The following ANKFN1 variants were observed in gnomAD, a reference collection of about 807,000 sequenced individuals.
The protein encoded by ANKFN1 is ankyrin repeat and fibronectin type III domain containing 1.
In ANKFN1, 74 loss-of-function variants were observed where a neutral mutation model predicts 108.7. The ratio of observed to expected loss-of-function variants is 0.68; its 90% confidence interval spans 0.56 to 0.83. The LOEUF (loss-of-function observed/expected upper bound fraction) is 0.83, where lower values mean the gene tolerates loss of function less well. Ranked by LOEUF, ANKFN1 falls within the 40% of genes least tolerant of loss-of-function variation. The pLI is 0.00. For synonymous variants in ANKFN1, 547 were observed against 516.2 expected (o/e 1.06, Z -0.81); for missense variants, 1,505 against 1,382.3 (o/e 1.09, Z -1.41).
intron 3 of ANKFN1, among the ~76,000 whole-genome samples, chr17:56,301,629 T>G (rs531621144): frequency 4.9e-4 from 75 of 152,336 alleles, no homozygotes; most frequent in African/African-American, 1.7e-3. Context: ...CCCATTTAGC[T>G]GGATTTACTG....
intron 4 of ANKFN1, among the ~76,000 whole-genome samples, chr17:56,052,631 A>G (rs1292346069): frequency 6.6e-6 from 1 of 152,192 alleles, no homozygotes; most frequent in Non-Finnish European, 1.5e-5. Flanking sequence ...CACTGCATGC[A>G]TTCCCATCTC....
At position 56,203,048 on chromosome 17, in the gene ANKFN1, T is replaced by C. The variant is rs8078522; in HGVS notation, c.-70-9550T>C. Among the ~76,000 whole-genome samples, 1,232 of 152,288 alleles carry C rather than the reference T, an allele frequency of 8.1e-3. 16 individuals are homozygous for C. The highest frequency in any genetic ancestry group is 0.027 in the African/African-American group (1,137 of 41,564). ...ACTTTCTGTAACTGCTCTGCTTTTA[T>C]TATGAAGGAAAATAAATAAAAGATA... On this transcript the variant is annotated intron_variant, in intron 1 of 20. Coordinates refer to ENST00000682825, the MANE Select transcript of ANKFN1 (RefSeq NM_001370326.1).
chr17:56,147,975 T>C (rs929945340), intron 4 of ANKFN1, among the ~76,000 whole-genome samples: 2 of 152,190 alleles, frequency 1.3e-5, no homozygotes, highest in Non-Finnish European at 2.9e-5. Context: ...TCATTGAATC[T>C]TCATAAGTGC....
At chr17:56,406,216 A>G (rs771584096) in intron 8 of ANKFN1, among the ~76,000 whole-genome samples, 4 of 152,214 alleles carry the variant, frequency 2.6e-5, no homozygotes, top group Non-Finnish European at 4.4e-5. Flanking sequence ...ATACGCAGGA[A>G]TAGAAAATAT....
intron 2 of ANKFN1, among the ~76,000 whole-genome samples, chr17:56,221,699 A>G (rs903595160): frequency 3.3e-5 from 5 of 152,236 alleles, no homozygotes; most frequent in African/African-American, 4.8e-5. Context: ...TGACAAAGCG[A>G]TTTCGAACAC....
In ANKFN1 at chr17:56,514,544, T is replaced by C. The variant is rs1258658089; in HGVS notation, c.*3275T>C. Among the ~76,000 whole-genome samples, 1 of 152,200 alleles carries C rather than the reference T, an allele frequency of 6.6e-6. No individual in the cohort carries two copies. Among genetic ancestry groups the C allele is most frequent in the Non-Finnish European group, 1.5e-5 (1 of 68,038 alleles). On this transcript the variant is annotated 3_prime_UTR_variant, in exon 21 of 21. Transcript: ENST00000682825. ...TAACAAAGCTAAAACATCCTCTTAA[T>C]TGGCGAGGGTGCCTGGGAGACAGTA...
intron 1 of ANKFN1, among the ~76,000 whole-genome samples, chr17:56,156,967 C>A (rs895260084): frequency 1.3e-4 from 19 of 148,748 alleles, no homozygotes; most frequent in Admixed American, 1.3e-3. Context: ...GCCAGCCCCC[C>A]ATCTACACCA....
intron 8 of ANKFN1, among the ~76,000 whole-genome samples, chr17:56,432,928 TCTAG>T (rs2048807145): frequency 6.6e-6 from 1 of 152,142 alleles, no homozygotes; most frequent in Admixed American, 6.6e-5. Context: ...TGAGCAATCA[TCTAG>T]CATTTATACA....
intron 4 of ANKFN1, among the ~76,000 whole-genome samples, chr17:56,102,276 A>G (rs1905662377): frequency 6.6e-6 from 1 of 152,170 alleles, no homozygotes; most frequent in Non-Finnish European, 1.5e-5. Flanking sequence ...GGGGCAAACA[A>G]TGCCTCTTTT....
chr17:56,073,769 G>A (rs1219628914), intron 4 of ANKFN1, among the ~76,000 whole-genome samples: 5 of 152,160 alleles, frequency 3.3e-5, no homozygotes, highest in African/African-American at 7.2e-5. Flanking sequence ...CATACAATAT[G>A]TATTTGTGTC....
At chr17:56,383,148 T>C (rs1032425036) in intron 8 of ANKFN1, among the ~76,000 whole-genome samples, 2 of 152,018 alleles carry the variant, frequency 1.3e-5, no homozygotes, top group African/African-American at 4.8e-5. Flanking sequence ...CACAGTGCAA[T>C]CAAACTAGAA....
At chr17:56,072,083 T>A (rs1018882041) in intron 4 of ANKFN1, among the ~76,000 whole-genome samples, 8 of 152,244 alleles carry the variant, frequency 5.3e-5, no homozygotes. Flanking sequence ...AAAGCATCCA[T>A]GTCAGTAAGA....
chr17:56,110,508 G>A (rs187639141), intron 4 of ANKFN1, among the ~76,000 whole-genome samples: 3 of 152,276 alleles, frequency 2.0e-5, no homozygotes, highest in Non-Finnish European at 4.4e-5. Flanking sequence ...AATCAGTCAT[G>A]ACTTTTTCTC....
intron 8 of ANKFN1, among the ~76,000 whole-genome samples, chr17:56,407,567 GCTTA>G (rs2047958500): frequency 1.3e-5 from 2 of 152,116 alleles, no homozygotes; most frequent in Admixed American, 1.3e-4. Flanking sequence ...TGTTCTGTAA[GCTTA>G]CTTATGATCA....
chr17:56,247,036 A>G (rs971324548), intron 3 of ANKFN1, among the ~76,000 whole-genome samples: 6 of 152,222 alleles, frequency 3.9e-5, no homozygotes, highest in Non-Finnish European at 8.8e-5. Flanking sequence ...TTCAACATGT[A>G]GAATGGTTTC....
chr17:56,387,665 T>G (rs995567899), intron 8 of ANKFN1, among the ~76,000 whole-genome samples: 6 of 152,128 alleles, frequency 3.9e-5, no homozygotes, highest in Non-Finnish European at 5.9e-5. Flanking sequence ...TGTGTGTTGT[T>G]TAAGTACCCT....
chr17:56,303,851 A>ATTTTTTTTTTTT (rs34077118), intron 3 of ANKFN1, among the ~76,000 whole-genome samples: 1 of 131,944 alleles, frequency 7.6e-6, no homozygotes, highest in Non-Finnish European at 1.6e-5. Context: ...CGCTGAGCCA[A>ATTTTTTTTTTTT]TTTTTTTTTT....
At chr17:56,412,522 A>C (rs186753665) in intron 8 of ANKFN1, among the ~76,000 whole-genome samples, 14 of 152,304 alleles carry the variant, frequency 9.2e-5, no homozygotes, top group South Asian at 2.1e-4. Context: ...AGCTACCAGC[A>C]TGGCTAGGAT....
chr17:56,377,826 C>T (rs111312770), intron 8 of ANKFN1, among the ~76,000 whole-genome samples: 297 of 152,250 alleles, frequency 2.0e-3, no homozygotes, highest in African/African-American at 6.7e-3. Flanking sequence ...TTTCCATCCA[C>T]AAGATGAAAC....
Sources: allele counts gnomAD v4.1 joint callset (sites outside exome capture counted in the v4.1 genomes callset), GRCh38; gene constraint gnomAD v4.1.1; transcripts MANE v1.5; gene names NCBI Gene and HGNC (gene_info 2026-07-23, HGNC 2026-07-21).